Variants in ITGB3BP observed in about 807,000 individuals in gnomAD.
ITGB3BP encodes centromere protein R.
ITGB3BP carries 27 observed loss-of-function variants against 29.1 expected under a neutral mutation model. The observed-to-expected ratio is 0.93, with a 90% confidence interval of 0.68 to 1.28. The LOEUF is 1.28. ITGB3BP is among the 50% of genes most tolerant of loss of function. The probability of loss-of-function intolerance (pLI) is 0.00; values close to 1 mark genes in which losing one functional copy is unlikely to be tolerated. For synonymous variants in ITGB3BP, 61 were observed against 61.4 expected (o/e 0.99, Z 0.03); for missense variants, 192 against 200.2 (o/e 0.96, Z 0.25).
chr1:63,505,675 A>C (rs1465743870), intron 2 of ITGB3BP, among the ~76,000 whole-genome samples: 1 of 151,366 alleles, frequency 6.6e-6, no homozygotes, highest in Non-Finnish European at 1.5e-5. Context: ...CCCTCTACAC[A>C]CTGCTTTGAA....
chr1:63,465,617 T>C (rs1645086958), intron 4 of ITGB3BP, among the ~76,000 whole-genome samples: 1 of 152,008 alleles, frequency 6.6e-6, no homozygotes, highest in Admixed American at 6.6e-5. Context: ...CTTGAACTCC[T>C]GAACTCAGGT....
intron 8 of ITGB3BP, chr1:63,443,093 A>G (rs1455324597): frequency 6.6e-6 from 1 of 152,228 alleles, no homozygotes; most frequent in Non-Finnish European, 1.5e-5. Context: ...CCACTGAACA[A>G]TTACAGGTCA....
At chr1:63,455,136 G>A (rs1644914701) in intron 4 of ITGB3BP, among the ~76,000 whole-genome samples, 168 bp from the exon 5 acceptor site, 1 of 151,862 alleles carries the variant, frequency 6.6e-6, no homozygotes, top group African/African-American at 2.4e-5. Flanking sequence ...TTTACTTTCC[G>A]ATTCCCACTG....
intron 1 of ITGB3BP, among the ~76,000 whole-genome samples, chr1:63,522,560 C>A (rs1332939427): frequency 1.3e-5 from 2 of 152,130 alleles, no homozygotes; most frequent in Non-Finnish European, 1.5e-5. Context: ...AATGCCTATT[C>A]CCACTATGGT....
At chr1:63,470,821 T>A (rs1645183374) in intron 4 of ITGB3BP, among the ~76,000 whole-genome samples, 1 of 152,220 alleles carries the variant, frequency 6.6e-6, no homozygotes, top group East Asian at 1.9e-4. Context: ...CTGGTTTAGA[T>A]GTTGCCAAAC....
chr1:63,521,125 TAC>T (rs1332160866), intron 1 of ITGB3BP, among the ~76,000 whole-genome samples: 1 of 152,136 alleles, frequency 6.6e-6, no homozygotes, highest in Admixed American at 6.5e-5. Flanking sequence ...TAAGTTATAT[TAC>T]ACATTTAGTC....
chr1:63,500,050 C>T (rs533896800), intron 2 of ITGB3BP, among the ~76,000 whole-genome samples: 5 of 152,274 alleles, frequency 3.3e-5, no homozygotes, highest in Non-Finnish European at 7.4e-5. Flanking sequence ...AAAACTATCC[C>T]TACTTGCAGA....
At chr1:63,481,296 A>C (rs750978439) in intron 3 of ITGB3BP, among the ~76,000 whole-genome samples, 11 of 152,138 alleles carry the variant, frequency 7.2e-5, no homozygotes, top group Admixed American at 1.3e-4. Flanking sequence ...TATGATTTTA[A>C]ATAATTTTCA....
intron 4 of ITGB3BP, 114 bp downstream of exon 4, chr1:63,478,650 G>T: frequency 1.8e-6 from 1 of 558,020 alleles, no homozygotes; most frequent in Non-Finnish European, 3.1e-6. Context: ...AATATTTCAG[G>T]TCAGGTATAA....
chr1:63,478,873 G>T, intron 3 of ITGB3BP, 40 bp from the exon 4 acceptor site: 1 of 710,108 alleles, frequency 1.4e-6, no homozygotes, highest in South Asian at 2.6e-5. Flanking sequence ...AAAGTTAAAG[G>T]AGAAATCATC....
intron 2 of ITGB3BP, among the ~76,000 whole-genome samples, chr1:63,496,073 A>G (rs1645779927): frequency 6.7e-6 from 1 of 149,986 alleles, no homozygotes; most frequent in Non-Finnish European, 1.5e-5. Context: ...GCTTACTCCT[A>G]CTTCATTCTG....
At chr1:63,467,594 C>T (rs1645121908) in intron 4 of ITGB3BP, among the ~76,000 whole-genome samples, 3 of 152,096 alleles carry the variant, frequency 2.0e-5, no homozygotes, top group African/African-American at 7.2e-5. Flanking sequence ...TGGCCTTGAA[C>T]TTCTGGGCTC....
chr1:63,444,590 TCTC>T (rs1644767579), intron 8 of ITGB3BP, among the ~76,000 whole-genome samples: 1 of 110,760 alleles, frequency 9.0e-6, no homozygotes, highest in African/African-American at 2.9e-5. Context: ...TATATATATA[TCTC>T]CTATTACAAT....
Position 63,477,732 on chromosome 1 carries a change from A to AG in ITGB3BP, c.254+1031_254+1032insC, listed in dbSNP as rs1645366421. Among the ~76,000 whole-genome samples the AG allele has an allele frequency of 2.0e-5, 3 of 152,222 alleles. No homozygotes were observed. In the South Asian group the frequency reaches 6.2e-4, roughly 32 times the overall value. ...GAGACAATCAGGGAAAAAAAAAAAAAAGATCATAAGCTCCCAATGGGGAAA... is the reference window on the plus strand; with the variant it reads ...GAGACAATCAGGGAAAAAAAAAAAAAGAGATCATAAGCTCCCAATGGGGAAA... On this transcript the variant is annotated intron_variant, in intron 4 of 8. Coordinates refer to ENST00000271002, the MANE Select transcript of ITGB3BP (RefSeq NM_014288.5).
chr1:63,498,986 G>C, intron 2 of ITGB3BP, among the ~76,000 whole-genome samples: 1 of 152,098 alleles, frequency 6.6e-6, no homozygotes, highest in African/African-American at 2.4e-5. Flanking sequence ...AGATAATCTA[G>C]ATGAAATAGG....
At chr1:63,491,851 T>C (rs1570249398) in intron 2 of ITGB3BP, among the ~76,000 whole-genome samples, 1 of 152,230 alleles carries the variant, frequency 6.6e-6, no homozygotes, top group East Asian at 1.9e-4. Context: ...TTTTGTACAG[T>C]GAAAGGGTTT....
At chr1:63,495,990 T>C (rs1346922454) in intron 2 of ITGB3BP, among the ~76,000 whole-genome samples, 1 of 152,020 alleles carries the variant, frequency 6.6e-6, no homozygotes, top group Non-Finnish European at 1.5e-5. Flanking sequence ...AGCCGGGAAC[T>C]ATTCCAAGCA....
upstream of ITGB3BP, chr1:63,525,788 A>C: frequency 6.9e-7 from 1 of 1,453,020 alleles, no homozygotes; most frequent in Non-Finnish European, 9.2e-7. Context: ...TAAATCTTTC[A>C]CCTTTTTGTT....
Position 63,453,945 on chromosome 1 carries a change from C to A in ITGB3BP, c.457G>T (p.Glu153Ter). The change falls in exon 7 of 9, where the codon GAA (glutamate) becomes TAA (stop). Residue 153 changes from glutamate (E) to a stop codon, truncating the protein, a stop_gained. Coordinates refer to ENST00000271002, the MANE Select transcript of ITGB3BP (RefSeq NM_014288.5). LOFTEE classifies it high-confidence loss of function. ...TTGTGAGGAAGTCCTGTACTCTTTT[C>A]AAACAGTTTTTGTTTATTCACTTTT... The part of the protein sequence containing the change: ...MTKVNKQKLF[E>*]KSTGLPHKAS... 1.3e-6 allele frequency: 2 copies of A among 1,579,718 alleles called. No individual in the cohort carries two copies. The highest frequency in any genetic ancestry group is 2.3e-5 in the South Asian group (2 of 87,624).
Sources: allele counts gnomAD v4.1 joint callset (sites outside exome capture counted in the v4.1 genomes callset), GRCh38; gene constraint gnomAD v4.1.1; transcripts MANE v1.5; gene names NCBI Gene and HGNC (gene_info 2026-07-23, HGNC 2026-07-21).